The following KDM6A variants were observed in gnomAD, a reference collection of about 807,000 sequenced individuals.
KDM6A encodes lysine-specific demethylase 6A.
KDM6A carries 11 observed loss-of-function variants against 117.6 expected under a neutral mutation model. The ratio of observed to expected loss-of-function variants is 0.09; its 90% confidence interval spans 0.06 to 0.15. The LOEUF (loss-of-function observed/expected upper bound fraction) is 0.15, where lower values mean the gene tolerates loss of function less well. Ranked by LOEUF, KDM6A falls within the 10% of genes least tolerant of loss-of-function variation. The pLI is 1.00. For synonymous variants in KDM6A, 384 were observed against 396.1 expected (o/e 0.97, Z 0.36); for missense variants, 799 against 1,077.3 (o/e 0.74, Z 3.62).
intron 19 of KDM6A, among the ~76,000 whole-genome samples, chrX:45,077,329 G>T (rs2045174977): frequency 9.0e-6 from 1 of 110,607 alleles, no homozygotes; most frequent in Admixed American, 9.6e-5. Flanking sequence ...AGAAATATAG[G>T]AATCTGATAT....
At chrX:45,040,991 G>A (rs2043136860) in intron 8 of KDM6A, among the ~76,000 whole-genome samples, 3 of 75,510 alleles carry the variant, frequency 4.0e-5, no homozygotes, top group Admixed American at 1.3e-4. Context: ...CCGGCCGGGC[G>A]GGGGGCTGAC....
chrX:45,035,006 T>C, intron 7 of KDM6A, 21 bp downstream of exon 7: 1 of 1,095,441 alleles, frequency 9.1e-7, no homozygotes, highest in Non-Finnish European at 1.3e-6. Flanking sequence ...TTAAGTACTG[T>C]AGTTTTCTAC....
At chrX:45,055,772 T>C (rs754355916) in intron 10 of KDM6A, among the ~76,000 whole-genome samples, 4 of 111,760 alleles carry the variant, frequency 3.6e-5, no homozygotes, top group Non-Finnish European at 5.6e-5. Context: ...GGTTTATATA[T>C]GAAAATTTCT....
rs753811835 is a variant in KDM6A, at chrX:45,069,909, C to T, written c.2410C>T (p.His804Tyr). The change falls in exon 18 of 30, where the codon CAT becomes TAT. Residue 804 changes from histidine (H) to tyrosine (Y), a missense_variant. Physicochemically the swap from His to Tyr is moderately conservative, Grantham distance 83 (BLOSUM62 2). Around this residue, in one of 8 missense-constraint regions of KDM6A, gnomAD observed 301 missense variants for 318.3 expected, o/e 0.95. Coordinates refer to ENST00000611820, the MANE Select transcript of KDM6A (RefSeq NM_001291415.2). ...TGTCGAGGGACTTCCTAATCATGTC[C>T]ATCAGATGACGGCAGATGCTGTTTG... ...ASVEGLPNHV[H>Y]QMTADAVCSP... 10 of 1,211,261 alleles carry T rather than the reference C, an allele frequency of 8.3e-6. No homozygotes were observed. The highest frequency in any genetic ancestry group is 7.8e-6 in the Non-Finnish European group (7 of 895,049).
chrX:44,895,971 G>A (rs2033814196), intron 2 of KDM6A, among the ~76,000 whole-genome samples: 2 of 109,790 alleles, frequency 1.8e-5, no homozygotes, highest in Non-Finnish European at 3.8e-5. Context: ...GTATTCATAT[G>A]TAACTTACCA....
chrX:45,013,190 T>G, intron 5 of KDM6A, among the ~76,000 whole-genome samples: 1 of 111,747 alleles, frequency 8.9e-6, no homozygotes, highest in Non-Finnish European at 1.9e-5. Context: ...AGAAGCAAGC[T>G]TATGCTCATA....
chrX:45,043,736 C>T (rs931681820), intron 8 of KDM6A, among the ~76,000 whole-genome samples: 3 of 111,075 alleles, frequency 2.7e-5, no homozygotes, highest in Admixed American at 9.5e-5. Flanking sequence ...CAAGATGGCG[C>T]CACTGCACGC....
chrX:44,996,536 C>T (rs2040870682), intron 4 of KDM6A, among the ~76,000 whole-genome samples: 1 of 109,963 alleles, frequency 9.1e-6, no homozygotes, highest in Non-Finnish European at 1.9e-5. Flanking sequence ...ACTTTGGAAG[C>T]AGAACTTCTG....
intron 4 of KDM6A, among the ~76,000 whole-genome samples, chrX:45,008,688 G>A (rs1428075308): frequency 9.0e-6 from 1 of 111,476 alleles, no homozygotes; most frequent in Non-Finnish European, 1.9e-5. Flanking sequence ...TTTAACCCTT[G>A]AGAATTGTCC....
At position 44,880,711 on chromosome X, in the gene KDM6A, G is replaced by A. The variant is rs1180116898; in HGVS notation, c.225+6724G>A. ...GGAGGCTGAGGCAGGAGAATTGTTTGAACCAAGGAGGCGGAGGTTGCAGTG... is the reference window on the plus strand; with the variant it reads ...GGAGGCTGAGGCAGGAGAATTGTTTAAACCAAGGAGGCGGAGGTTGCAGTG... On this transcript the variant is annotated intron_variant, in intron 2 of 29. Coordinates refer to ENST00000611820, the MANE Select transcript of KDM6A (RefSeq NM_001291415.2). Among the ~76,000 whole-genome samples the A allele has an allele frequency of 2.7e-5, 3 of 110,038 alleles. 1 individual carries two copies. The highest frequency in any genetic ancestry group is 5.7e-5 in the Non-Finnish European group (3 of 52,815).
At chrX:45,104,642 C>G (rs1022104361) in intron 27 of KDM6A, among the ~76,000 whole-genome samples, 20 of 111,052 alleles carry the variant, frequency 1.8e-4, no homozygotes, top group Admixed American at 5.8e-4. Flanking sequence ...ATAAGAGCCT[C>G]TCTCTCTCTA....
chrX:44,908,890 T>C (rs2034900246), intron 2 of KDM6A, among the ~76,000 whole-genome samples: 1 of 112,433 alleles, frequency 8.9e-6, no homozygotes, highest in African/African-American at 3.2e-5. Context: ...ATTTTCAAAT[T>C]GTCATGTTTA....
At chrX:44,997,899 A>G (rs1166906906) in intron 4 of KDM6A, among the ~76,000 whole-genome samples, 2 of 112,001 alleles carry the variant, frequency 1.8e-5, no homozygotes, top group African/African-American at 6.5e-5. Context: ...GGTTAAAATC[A>G]TAGAAATGTA....
At chrX:45,003,872 C>T (rs1381800578) in intron 4 of KDM6A, among the ~76,000 whole-genome samples, 1 of 101,418 alleles carries the variant, frequency 9.9e-6, no homozygotes, top group Non-Finnish European at 2.0e-5. Flanking sequence ...TCTCCCCTCT[C>T]TCTCTCTTCT....
At chrX:45,034,617 TA>T (rs1238350894) in intron 6 of KDM6A, among the ~76,000 whole-genome samples, 1 of 111,946 alleles carries the variant, frequency 8.9e-6, no homozygotes, top group Non-Finnish European at 1.9e-5. Context: ...TAAACTGTTG[TA>T]TAACACTTCC....
intron 4 of KDM6A, among the ~76,000 whole-genome samples, chrX:44,994,554 A>G (rs1159649119): frequency 1.8e-5 from 2 of 112,374 alleles, no homozygotes; most frequent in African/African-American, 6.5e-5. Flanking sequence ...ATTGTGAATA[A>G]GGCTGAAATG....
chrX:44,974,722 G>C lies in KDM6A; in HGVS notation c.384+7G>C. 4.3e-6 allele frequency: 5 copies of C among 1,159,945 alleles called. No homozygotes were observed. Among genetic ancestry groups the C allele is most frequent in the Non-Finnish European group, 5.9e-6 (5 of 848,309 alleles). On this transcript the variant is annotated splice_region_variant and intron_variant, in intron 4 of 29. Coordinates refer to ENST00000611820, the MANE Select transcript of KDM6A (RefSeq NM_001291415.2). ...ACAGTCTGACTACTGGAAGGTTAGTGTACATTTGCATGCTGATTTCATGTT... is the reference window on the plus strand; with the variant it reads ...ACAGTCTGACTACTGGAAGGTTAGTCTACATTTGCATGCTGATTTCATGTT...
In KDM6A at chrX:45,042,237, C is replaced by T. The variant is rs1323584020; in HGVS notation, c.654+4548C>T. Among the ~76,000 whole-genome samples the T allele has an allele frequency of 3.4e-4, 23 of 67,690 alleles. No homozygotes were observed. In the East Asian group the frequency reaches 0.012, roughly 35 times the overall value. The allele number at this position is 67,690 out of a possible 115,157, so 58.8% of individuals were successfully genotyped here. On this transcript the variant is annotated intron_variant, in intron 8 of 29. Coordinates refer to ENST00000611820, the MANE Select transcript of KDM6A (RefSeq NM_001291415.2). ...GCTTCGGCTCGGCATCAGAGGGAGA[C>T]CGTGGAAGGAGACCGTGGAGGGAGA...
chrX:44,873,724 C>T lies in KDM6A; in HGVS notation c.161+12C>T, dbSNP rs756540071. The T allele has an allele frequency of 5.7e-5, 66 of 1,163,005 alleles. No individual in the cohort carries two copies. Among genetic ancestry groups the T allele is most frequent in the South Asian group, 1.7e-4 (9 of 52,629 alleles). ...GGCGGACTGGACAGGTACGGGCCGC[C>T]GTCACTCGCCCGGTCGGCTCCGGAC... On this transcript the variant is annotated intron_variant, in intron 1 of 29. Coordinates refer to ENST00000611820, the MANE Select transcript of KDM6A (RefSeq NM_001291415.2).
Sources: allele counts gnomAD v4.1 joint callset (sites outside exome capture counted in the v4.1 genomes callset), GRCh38; gene constraint gnomAD v4.1.1; regional missense constraint gnomAD v4.1.1; transcripts MANE v1.5; gene names NCBI Gene and HGNC (gene_info 2026-07-23, HGNC 2026-07-21).